BTBD7: variants seen among roughly 807,000 people sequenced by gnomAD.
The protein encoded by BTBD7 is BTB domain containing 7.
In BTBD7, 38 loss-of-function variants were observed where a neutral mutation model predicts 99.9. The observed-to-expected ratio is 0.38, with a 90% CI of 0.29 to 0.50. The LOEUF (loss-of-function observed/expected upper bound fraction) is 0.50. Among genes scored for constraint, BTBD7 ranks in the 20% least tolerant of loss-of-function variants. The pLI is 0.93. For missense variants in BTBD7, 1,170 were observed against 1,394.6 expected, an observed-to-expected ratio of 0.84 and a Z score of 2.57; for synonymous variants, 520 against 511.4, an observed-to-expected ratio of 1.02 and a Z score of -0.23.
At chr14:93,301,168 A>C (rs1361092751) in intron 1 of BTBD7, among the ~76,000 whole-genome samples, 2 of 151,996 alleles carry the variant, frequency 1.3e-5, no homozygotes, top group Non-Finnish European at 2.9e-5. Context: ...CAACCTGGGC[A>C]ACATTGTGAG....
Position 93,248,456 on chromosome 14 carries a change from A to G in BTBD7, c.2121+20T>C. On this transcript the variant is annotated intron_variant, in intron 9 of 10. Transcript: ENST00000334746. ...GTGACTGAGGCTCCCTATTTTAAACAGTTTAATGTCATTTCCTACCTGCAA... is the reference window on the plus strand; with the variant it reads ...GTGACTGAGGCTCCCTATTTTAAACGGTTTAATGTCATTTCCTACCTGCAA... The G allele has an allele frequency of 6.2e-7, 1 of 1,610,520 alleles. No individual in the cohort carries two copies. The highest frequency in any genetic ancestry group is 1.3e-5 in the African/African-American group (1 of 74,992).
intron 1 of BTBD7, among the ~76,000 whole-genome samples, chr14:93,323,919 G>C (rs954141243): frequency 6.6e-6 from 1 of 152,156 alleles, no homozygotes; most frequent in Non-Finnish European, 1.5e-5. Flanking sequence ...ATTACTTGTT[G>C]TGTGACACTA....
chr14:93,304,351 T>C (rs939644120), intron 1 of BTBD7, among the ~76,000 whole-genome samples: 1 of 152,214 alleles, frequency 6.6e-6, no homozygotes, highest in Non-Finnish European at 1.5e-5. Flanking sequence ...GAGTTTATTA[T>C]TTATTTATTT....
At position 93,297,992 on chromosome 14, in the gene BTBD7, A is replaced by G. The variant is rs1472227769; in HGVS notation, c.-106-1835T>C. Among the ~76,000 whole-genome samples the G allele has an allele frequency of 2.0e-5, 3 of 152,220 alleles. No individual in the cohort carries two copies. In the East Asian group the frequency reaches 5.8e-4, roughly 29 times the overall value. On this transcript the variant is annotated intron_variant, in intron 1 of 10. Transcript: ENST00000334746. ...GAAGTGTTTCTAAAGGTAAGACGGCATGGTGTCACTCCTATGGCTAGGCCT... is the reference window on the plus strand; with the variant it reads ...GAAGTGTTTCTAAAGGTAAGACGGCGTGGTGTCACTCCTATGGCTAGGCCT...
At chr14:93,245,400 T>C (rs951098865) in intron 10 of BTBD7, among the ~76,000 whole-genome samples, 1 of 152,228 alleles carries the variant, frequency 6.6e-6, no homozygotes, top group South Asian at 2.1e-4. Context: ...GACGGTATAC[T>C]GTACTTAGCT....
At chr14:93,261,498 G>GCA in intron 5 of BTBD7, 104 bp downstream of exon 5, 1 of 886,502 alleles carries the variant, frequency 1.1e-6, no homozygotes, top group Non-Finnish European at 1.8e-6. Flanking sequence ...TTTTCACCAG[G>GCA]CAACAGTGTC....
intron 1 of BTBD7, among the ~76,000 whole-genome samples, chr14:93,323,894 A>G (rs758968879): frequency 5.9e-5 from 9 of 151,946 alleles, no homozygotes; most frequent in Non-Finnish European, 1.2e-4. Context: ...ATCTTAACTC[A>G]CTTACTGAAT....
intron 3 of BTBD7, among the ~76,000 whole-genome samples, chr14:93,286,058 C>T (rs187947680): frequency 1.3e-5 from 2 of 152,218 alleles, no homozygotes; most frequent in Non-Finnish European, 2.9e-5. Context: ...ACATTCTGTC[C>T]CTGGATAGTG....
Position 93,262,856 on chromosome 14 carries a change from C to A in BTBD7, c.1371+929G>T, listed in dbSNP as rs578177349. On this transcript the variant is annotated intron_variant, in intron 4 of 10. Transcript: ENST00000334746. ...GACAATAATCTAAGAGAACTAACAACTTCTAACACAAACATAAAGCGTCCA... is the reference window on the plus strand; with the variant it reads ...GACAATAATCTAAGAGAACTAACAAATTCTAACACAAACATAAAGCGTCCA... Among the ~76,000 whole-genome samples the A allele has an allele frequency of 2.0e-5, 3 of 151,576 alleles. No homozygotes were observed. The East Asian group carries it at 5.8e-4, about 29-fold the overall frequency.
chr14:93,297,354 G>A (rs1034644424), intron 1 of BTBD7, among the ~76,000 whole-genome samples: 3 of 152,064 alleles, frequency 2.0e-5, no homozygotes, highest in African/African-American at 7.2e-5. Flanking sequence ...ACGGAGTCTC[G>A]CTCTGGCGCC....
At chr14:93,309,293 A>G (rs2053110306) in intron 1 of BTBD7, among the ~76,000 whole-genome samples, 1 of 152,140 alleles carries the variant, frequency 6.6e-6, no homozygotes, top group African/African-American at 2.4e-5. Flanking sequence ...ACTTATCCAA[A>G]GTCAAATAAA....
intron 9 of BTBD7, among the ~76,000 whole-genome samples, chr14:93,247,313 G>A (rs1423177263): frequency 4.0e-5 from 6 of 150,948 alleles, no homozygotes; most frequent in South Asian, 2.1e-4. Flanking sequence ...CAGCCATTGT[G>A]TCCAGCCTAT....
chr14:93,316,173 C>T (rs960779432), intron 1 of BTBD7, among the ~76,000 whole-genome samples: 1 of 151,268 alleles, frequency 6.6e-6, no homozygotes, highest in African/African-American at 2.4e-5. Flanking sequence ...AGGCTGGTCT[C>T]GAACTCATGA....
chr14:93,248,555 C>A lies in BTBD7; in HGVS notation c.2042G>T (p.Gly681Val), dbSNP rs376018335. 1.2e-6 allele frequency: 2 copies of A among 1,614,166 alleles called. No homozygotes were observed. Among genetic ancestry groups the A allele is most frequent in the Non-Finnish European group, 1.7e-6 (2 of 1,180,044 alleles). Residue 681 changes from glycine (G) to valine (V), a missense_variant, in exon 9 of 11, where the codon GGC (glycine) becomes GTC (valine). This residue lies in a region of BTBD7 where 309 missense variants were observed against 342.0 expected (regional missense o/e 0.90). Transcript: ENST00000334746. ...QRAYALNCGE[G>V]ATVSYEIQIR... ...CTGAATTTCATAGCTGACAGTGGCG[C>A]CTTCCCCGCAGTTCAGGGCATAGGC...
chr14:93,296,851 G>GT (rs1263227964), intron 1 of BTBD7, among the ~76,000 whole-genome samples: 1 of 152,092 alleles, frequency 6.6e-6, no homozygotes, highest in African/African-American at 2.4e-5. Flanking sequence ...GATTTAAATG[G>GT]ACAGGCCAGT....
intron 1 of BTBD7, among the ~76,000 whole-genome samples, chr14:93,307,996 T>C (rs1391988940): frequency 6.6e-6 from 1 of 151,894 alleles, no homozygotes; most frequent in Non-Finnish European, 1.5e-5. Flanking sequence ...CTTAGAAGAG[T>C]GTGATTAAAA....
At position 93,333,021 on chromosome 14, in the gene BTBD7, C is replaced by T. The variant is rs2053477132; in HGVS notation, c.-308G>A. ...CAGGTTCCCCTCGCCGCCATTTTGA[C>T]TCCTAGACGGAGCAGGAGGGGCTCG... is the stretch of plus-strand genomic sequence containing the variant. On this transcript the variant is annotated 5_prime_UTR_variant, in exon 1 of 11. Transcript: ENST00000334746. The T allele has an allele frequency of 1.9e-6, 1 of 517,136 alleles. No homozygotes were observed. The highest frequency in any genetic ancestry group is 3.3e-6 in the Non-Finnish European group (1 of 302,814). 32.0% of individuals were successfully genotyped at this position (517,136 alleles called of 1,614,324 possible).
chr14:93,330,725 T>C (rs1010650050), intron 1 of BTBD7, among the ~76,000 whole-genome samples: 6 of 152,230 alleles, frequency 3.9e-5, no homozygotes, highest in South Asian at 2.1e-4. Flanking sequence ...CTATGTAATT[T>C]TGGATGTGTG....
chr14:93,246,997 G>A, intron 9 of BTBD7, among the ~76,000 whole-genome samples: 1 of 152,206 alleles, frequency 6.6e-6, no homozygotes, highest in East Asian at 1.9e-4. Flanking sequence ...CTGACTTGCT[G>A]AAGAACCCTA....
Sources: gnomAD v4.1 joint callset for allele counts (sites outside exome capture counted in the v4.1 genomes callset) on GRCh38, gnomAD v4.1.1 for gene constraint, gnomAD v4.1.1 regional missense constraint, MANE v1.5 for transcripts, NCBI Gene and HGNC (gene_info 2026-07-23, HGNC 2026-07-21) for gene names.